GYPE: variants seen among roughly 807,000 people sequenced by gnomAD.
GYPE encodes glycophorin E (MNS blood group).
Under a neutral mutation model 11.6 loss-of-function variants are expected in GYPE, and 8 were observed. The ratio of observed to expected loss-of-function variants is 0.69; its 90% CI spans 0.41 to 1.25. The LOEUF (loss-of-function observed/expected upper bound fraction) is 1.25, where lower values mean the gene tolerates loss of function less well. Among genes scored for constraint, GYPE ranks in the 50% most tolerant of loss-of-function variants. The pLI, the probability that GYPE is intolerant of heterozygous loss-of-function variation, is 0.01. For missense variants in GYPE, 90 were observed against 92.8 expected (o/e 0.97, Z 0.12); for synonymous variants, 28 against 29.6 (o/e 0.94, Z 0.18).
At chr4:143,902,902 T>C (rs1256611860) in intron 1 of GYPE, among the ~76,000 whole-genome samples, 5 of 152,130 alleles carry the variant, frequency 3.3e-5, no homozygotes, top group Non-Finnish European at 7.3e-5. Flanking sequence ...TGAAGTGATA[T>C]AGTACTGTAT....
chr4:143,896,219 C>A (rs1744626984), intron 1 of GYPE, among the ~76,000 whole-genome samples: 4 of 152,060 alleles, frequency 2.6e-5, no homozygotes, highest in Admixed American at 2.6e-4. Context: ...AGTGAACAGG[C>A]AACCTACAGA....
intron 1 of GYPE, among the ~76,000 whole-genome samples, chr4:143,895,310 T>C (rs574522097): frequency 2.5e-4 from 38 of 152,280 alleles, no homozygotes; most frequent in Admixed American, 5.9e-4. Flanking sequence ...CAGCAAAGTC[T>C]CAGGATAGAA....
intron 1 of GYPE, among the ~76,000 whole-genome samples, chr4:143,889,007 A>AT (rs1744305012): frequency 7.7e-6 from 1 of 130,246 alleles, no homozygotes; most frequent in Admixed American, 8.3e-5. Flanking sequence ...AGCGTGGCCT[A>AT]TTAACTGGTG....
At chr4:143,895,983 T>G (rs1216655797) in intron 1 of GYPE, among the ~76,000 whole-genome samples, 1 of 152,090 alleles carries the variant, frequency 6.6e-6, no homozygotes, top group Admixed American at 6.5e-5. Flanking sequence ...GATCCCTTCC[T>G]TACACTTTAT....
chr4:143,904,165 C>T (rs547315891), intron 1 of GYPE, among the ~76,000 whole-genome samples: 54 of 152,038 alleles, frequency 3.6e-4, no homozygotes, highest in African/African-American at 1.2e-3. Context: ...TTTCAGAAAT[C>T]ACCAATCACA....
chr4:143,901,519 C>T (rs1744867761), intron 1 of GYPE, among the ~76,000 whole-genome samples: 1 of 151,376 alleles, frequency 6.6e-6, no homozygotes, highest in Non-Finnish European at 1.5e-5. Flanking sequence ...GTTCATTTAT[C>T]ACAGAAAACT....
intron 1 of GYPE, among the ~76,000 whole-genome samples, chr4:143,895,873 C>G (rs1383746885): frequency 6.6e-6 from 1 of 152,100 alleles, no homozygotes; most frequent in Non-Finnish European, 1.5e-5. Context: ...ACTCTCTGAT[C>G]TTTGACAAAC....
intron 2 of GYPE, among the ~76,000 whole-genome samples, chr4:143,878,296 C>G (rs1190579730): frequency 6.6e-6 from 1 of 152,016 alleles, no homozygotes; most frequent in Non-Finnish European, 1.5e-5. Flanking sequence ...ATGCCCCATC[C>G]CAGTTAATTT....
chr4:143,888,456 A>G (rs1378804969), intron 1 of GYPE, among the ~76,000 whole-genome samples: 13 of 123,866 alleles, frequency 1.0e-4, no homozygotes, highest in African/African-American at 3.4e-4. Context: ...AATGCCTTAA[A>G]TAGTTTCCAA....
chr4:143,888,583 A>G (rs1434382686), intron 1 of GYPE, among the ~76,000 whole-genome samples: 2 of 150,004 alleles, frequency 1.3e-5, no homozygotes, highest in African/African-American at 4.9e-5. Flanking sequence ...TAAAACTGGG[A>G]CAAAAACTCA....
chr4:143,885,024 G>A (rs1156762168), intron 1 of GYPE, among the ~76,000 whole-genome samples: 4 of 150,980 alleles, frequency 2.6e-5, no homozygotes, highest in Non-Finnish European at 4.4e-5. Context: ...TTGCAGTAGA[G>A]GGTCCCATCT....
chr4:143,876,946 C>T, intron 2 of GYPE, 91 bp from the exon 3 acceptor site: 1 of 742,542 alleles, frequency 1.3e-6, no homozygotes, highest in South Asian at 1.5e-5. Context: ...AGCATAACAT[C>T]ACCTTGCCTT....
intron 1 of GYPE, among the ~76,000 whole-genome samples, chr4:143,894,452 TG>T (rs1327120011): frequency 4.6e-5 from 7 of 151,876 alleles, no homozygotes; most frequent in African/African-American, 1.7e-4. Flanking sequence ...TATCTACTTT[TG>T]GTCTTTGATG....
chr4:143,872,426 A>C (rs1359862439), intron 3 of GYPE, among the ~76,000 whole-genome samples, 174 bp from the exon 4 acceptor site: 1 of 152,142 alleles, frequency 6.6e-6, no homozygotes, highest in Non-Finnish European at 1.5e-5. Context: ...TTAAAAAATT[A>C]ATTTTTTTTA....
At chr4:143,880,114 C>T (rs556814039) in intron 2 of GYPE, among the ~76,000 whole-genome samples, 46 of 152,350 alleles carry the variant, frequency 3.0e-4, no homozygotes, top group African/African-American at 1.0e-3. Context: ...AGACCCTCCG[C>T]ACCACCGCAC....
At chr4:143,872,742 G>A (rs943238066) in intron 3 of GYPE, among the ~76,000 whole-genome samples, 114 of 152,136 alleles carry the variant, frequency 7.5e-4, no homozygotes, top group Non-Finnish European at 5.3e-4. Flanking sequence ...ATAATATGGA[G>A]GCAGTCAAGC....
At chr4:143,897,827 A>G (rs2149915440) in intron 1 of GYPE, among the ~76,000 whole-genome samples, 1 of 152,214 alleles carries the variant, frequency 6.6e-6, no homozygotes, top group Admixed American at 6.5e-5. Context: ...CTAAAATGGG[A>G]ATTCTGAGAG....
At chr4:143,883,590 A>T (rs34504580) in intron 1 of GYPE, among the ~76,000 whole-genome samples, 905 of 15,924 alleles carry the variant, frequency 0.057, 79 homozygotes, top group African/African-American at 0.18. Context: ...ATTATGAATT[A>T]ATAATTAATA....
chr4:143,880,994 A>G (rs1482038451), intron 1 of GYPE, among the ~76,000 whole-genome samples: 1 of 152,172 alleles, frequency 6.6e-6, no homozygotes, highest in Non-Finnish European at 1.5e-5. Context: ...GGAAGCGCAT[A>G]ATAATTATAT....
Sources: allele counts gnomAD v4.1 joint callset (sites outside exome capture counted in the v4.1 genomes callset), GRCh38; gene constraint gnomAD v4.1.1; transcripts MANE v1.5; gene names NCBI Gene and HGNC (gene_info 2026-07-23, HGNC 2026-07-21).